COQ8A: variants seen among roughly 807,000 people sequenced by gnomAD.
The protein encoded by COQ8A is coenzyme Q8A, also known as atypical kinase COQ8A, mitochondrial.
A neutral mutation model predicts 65.0 loss-of-function variants in COQ8A; 51 were observed. That is an observed-to-expected ratio of 0.78 (90% CI 0.63 to 0.99). The LOEUF is 0.99. Ranked by LOEUF, COQ8A falls within the 50% of genes least tolerant of loss-of-function variation. The pLI is 0.00. For missense variants in COQ8A, 940 were observed against 875.0 expected (o/e 1.07, Z -0.94); for synonymous variants, 371 against 353.2 (o/e 1.05, Z -0.57).
chr1:226,962,898 G>A (rs566833580), intron 2 of COQ8A, among the ~76,000 whole-genome samples: 25 of 152,332 alleles, frequency 1.6e-4, no homozygotes, highest in African/African-American at 5.8e-4. Flanking sequence ...GACTCATAAC[G>A]AGTGACAGGA....
At chr1:226,951,544 G>A (rs1212049688) in intron 1 of COQ8A, among the ~76,000 whole-genome samples, 2 of 152,098 alleles carry the variant, frequency 1.3e-5, no homozygotes, top group East Asian at 1.9e-4. Flanking sequence ...TGTGTCTGGC[G>A]AGGTGAGCCC....
chr1:226,962,420 A>T (rs1245002905), intron 2 of COQ8A, among the ~76,000 whole-genome samples: 1 of 152,256 alleles, frequency 6.6e-6, no homozygotes, highest in Non-Finnish European at 1.5e-5. Flanking sequence ...TGGCTACAGC[A>T]GAGCACGGCC....
intron 1 of COQ8A, among the ~76,000 whole-genome samples, chr1:226,960,999 G>T (rs1353048543): frequency 6.6e-6 from 1 of 152,154 alleles, no homozygotes; most frequent in Non-Finnish European, 1.5e-5. Context: ...GGTCCAGAGG[G>T]ATGAACCCTA....
rs763587626 is a variant in COQ8A at position 226,984,903 on chromosome 1, CG to C, written c.1537del (p.Glu513AsnfsTer30). On this transcript the variant is annotated frameshift_variant, in exon 13 of 15. Transcript: ENST00000366777. LOFTEE classifies it high-confidence loss of function. ...GGCTCTTTTGGATTTTGGGGCAACGCGGGAATATGACAGATCCTTCACCGAC... is the reference window on the plus strand; with the variant it reads ...GGCTCTTTTGGATTTTGGGGCAACGCGGAATATGACAGATCCTTCACCGAC... ...KVALLDFGATREYDRSFTDLY... is the reference protein window; with the variant it reads ...KVALLDFGATXEYDRSFTDLY... 6.2e-7 allele frequency: 1 copy of C among 1,614,050 alleles called. No individual in the cohort carries two copies. The highest frequency in any genetic ancestry group is 1.1e-5 in the South Asian group (1 of 91,080).
chr1:226,952,297 AC>A (rs1192081798), intron 1 of COQ8A, among the ~76,000 whole-genome samples: 6 of 151,832 alleles, frequency 4.0e-5, no homozygotes, highest in Admixed American at 1.3e-4. Context: ...CTGCTGCCTA[AC>A]CCTTGCCCGT....
chr1:226,948,206 G>C (rs1427852479), intron 1 of COQ8A, among the ~76,000 whole-genome samples: 1 of 152,188 alleles, frequency 6.6e-6, no homozygotes, highest in African/African-American at 2.4e-5. Flanking sequence ...GGAGGCTCAA[G>C]GGCAGGACCC....
chr1:226,986,590 C>T lies in COQ8A; in HGVS notation c.1797C>T (p.Leu599=), dbSNP rs139551241. 264 of 1,613,888 alleles carry T rather than the reference C, an allele frequency of 1.6e-4. No homozygotes were observed. The African/African-American group carries it at 3.2e-3, about 20-fold the overall frequency. ...TTCCCGTCATGCTGAGGCACCGTCT[C>T]GTCCCCCCACCCGAGGAAACCTACT... ...NLIPVMLRHR[L]VPPPEETYSL... Residue 599 remains leucine, a synonymous_variant, in exon 15 of 15, where the codon CTC becomes CTT. Transcript: ENST00000366777.
Position 226,961,435 on chromosome 1 carries a change from A to C in COQ8A, c.50A>C (p.Lys17Thr). 2 of 1,613,832 alleles carry C rather than the reference A, an allele frequency of 1.2e-6. No individual in the cohort carries two copies. The highest frequency in any genetic ancestry group is 1.7e-6 in the Non-Finnish European group (2 of 1,180,038). Residue 17 changes from lysine (K) to threonine (T), a missense_variant, in exon 2 of 15, where the codon AAG becomes ACG. Transcript: ENST00000366777. ...ATCATGGTGGCTAAAGGCCTTGTCA[A>C]GCTGACCCAGGCGGCCGTGGAAACC... is the stretch of plus-strand genomic sequence containing the variant. ...DTIMVAKGLVKLTQAAVETHL... is the reference protein window; with the variant it reads ...DTIMVAKGLVTLTQAAVETHL...
intron 8 of COQ8A, chr1:226,983,295 G>A (rs941292737): frequency 3.0e-6 from 2 of 666,018 alleles, no homozygotes; most frequent in Admixed American, 5.5e-5. Flanking sequence ...ACAAGTGATT[G>A]CTTTTTGGGG....
At chr1:226,974,088 G>T (rs1659051748) in intron 4 of COQ8A, among the ~76,000 whole-genome samples, 1 of 152,168 alleles carries the variant, frequency 6.6e-6, no homozygotes, top group Non-Finnish European at 1.5e-5. Flanking sequence ...GTGTCCATCT[G>T]GGCAGAAGCC....
chr1:226,985,836 C>T (rs3768420), intron 14 of COQ8A, among the ~76,000 whole-genome samples: 26,172 of 152,204 alleles, frequency 0.17, 2,579 homozygotes, highest in Non-Finnish European at 0.22. Context: ...TCTGCCGTCT[C>T]ATAGGAGTGT....
At chr1:226,960,497 G>C (rs1265308566) in intron 1 of COQ8A, among the ~76,000 whole-genome samples, 2 of 151,610 alleles carry the variant, frequency 1.3e-5, no homozygotes, top group Non-Finnish European at 2.9e-5. Context: ...GGTGGTGGTG[G>C]TGGTGCTTGG....
At chr1:226,940,920 T>G (rs1024973731) in intron 1 of COQ8A, among the ~76,000 whole-genome samples, 8 of 152,218 alleles carry the variant, frequency 5.3e-5, no homozygotes, top group African/African-American at 1.9e-4. Flanking sequence ...GGGAATTTTG[T>G]GTGAACTTGG....
In COQ8A at chr1:226,983,883, GT is replaced by G. The variant is rs3215919; in HGVS notation, c.1256+32del. 0.41 allele frequency: 648,966 copies of G among 1,599,550 alleles called. 137,698 individuals carry two copies. The highest frequency in any genetic ancestry group is 0.44 in the Non-Finnish European group (522,931 of 1,175,266). On this transcript the variant is annotated intron_variant, in intron 10 of 14. Coordinates refer to ENST00000366777, the MANE Select transcript of COQ8A (RefSeq NM_020247.5). The stretch of plus-strand genomic sequence containing the variant: ...TGGCCCCCGGCCGGGCCCCTTGCGT[GT>G]TTGCACCAGGGAGGCAGAAGGGACC...
At chr1:226,984,263 G>T in intron 11 of COQ8A, 28 bp downstream of exon 11, 1 of 1,612,316 alleles carries the variant, frequency 6.2e-7, no homozygotes, top group Non-Finnish European at 8.5e-7. Flanking sequence ...GACAGGTGGG[G>T]CCAGGGTGGC....
chr1:226,955,388 CCCACTCTCCCTGGCTG>C (rs760908529), intron 1 of COQ8A, among the ~76,000 whole-genome samples: 66 of 150,272 alleles, frequency 4.4e-4, no homozygotes, highest in African/African-American at 1.3e-3. Flanking sequence ...CTCCCTGGCT[CCCACTCTCCCTGGCTG>C]CCACTCTCCC....
chr1:226,943,131 G>A (rs1656803106), intron 1 of COQ8A, among the ~76,000 whole-genome samples: 1 of 152,358 alleles, frequency 6.6e-6, no homozygotes, highest in African/African-American at 2.4e-5. Context: ...GATCAGGAAG[G>A]AAGGTCACTT....
At chr1:226,985,198 T>C in intron 13 of COQ8A, 56 bp from the exon 14 acceptor site, 2 of 1,572,288 alleles carry the variant, frequency 1.3e-6, no homozygotes, top group Non-Finnish European at 1.7e-6. Flanking sequence ...CTCCCTGGGA[T>C]GTCGGGAGCT....
Position 226,984,086 on chromosome 1 carries a change from C to T in COQ8A, c.1257-8C>T. On this transcript the variant is annotated splice_region_variant and splice_polypyrimidine_tract_variant and intron_variant, in intron 10 of 14. Coordinates refer to ENST00000366777, the MANE Select transcript of COQ8A (RefSeq NM_020247.5). Reference sequence around the variant, plus strand: ...GTGGCTAGGGCGTGACCTCCCTCCCCTACCCAGGGACCTGCTGAAGGGCCA... The same window carrying T: ...GTGGCTAGGGCGTGACCTCCCTCCCTTACCCAGGGACCTGCTGAAGGGCCA... 6.2e-7 allele frequency: 1 copy of T among 1,613,274 alleles called. No individual in the cohort carries two copies. The highest frequency in any genetic ancestry group is 8.5e-7 in the Non-Finnish European group (1 of 1,179,964).
Sources: allele counts gnomAD v4.1 joint callset (sites outside exome capture counted in the v4.1 genomes callset), GRCh38; gene constraint gnomAD v4.1.1; transcripts MANE v1.5; gene names NCBI Gene and HGNC (gene_info 2026-07-23, HGNC 2026-07-21).